Variants in MEF2C observed in about 807,000 individuals in gnomAD.
MEF2C encodes the protein myocyte enhancer factor 2C.
A neutral mutation model predicts 50.5 loss-of-function variants in MEF2C; 6 were observed. The ratio of observed to expected loss-of-function variants is 0.12; its 90% CI spans 0.07 to 0.23. The LOEUF (loss-of-function observed/expected upper bound fraction) is 0.23, where lower values mean the gene tolerates loss of function less well. Among genes scored for constraint, MEF2C ranks in the 10% least tolerant of loss-of-function variants. MEF2C has a pLI of 1.00. For synonymous variants in MEF2C, 183 were observed against 228.0 expected, an observed-to-expected ratio of 0.80 and a Z score of 1.78; for missense variants, 276 against 605.0, an observed-to-expected ratio of 0.46 and a Z score of 5.70.
At chr5:88,868,009 A>G (rs1561412571) in intron 1 of MEF2C, among the ~76,000 whole-genome samples, 3 of 152,198 alleles carry the variant, frequency 2.0e-5, no homozygotes. Flanking sequence ...CTTTGCTCCA[A>G]AAAGACCTAT....
chr5:88,745,200 G>C (rs1174928913), intron 6 of MEF2C, among the ~76,000 whole-genome samples: 1 of 152,198 alleles, frequency 6.6e-6, no homozygotes, highest in Non-Finnish European at 1.5e-5. Flanking sequence ...GTGTTAAACT[G>C]GGCATACAAA....
rs186783371 is a variant in MEF2C at position 88,766,406 on chromosome 5, A to T, written c.259-5078T>A. On this transcript the variant is annotated intron_variant, in intron 3 of 10. Coordinates refer to ENST00000504921, the MANE Select transcript of MEF2C (RefSeq NM_002397.5). ...TAAATACTATTTTGTTATTTAAAAA[A>T]TTTTTTCCTTTTATTCTTTCAAAAA... is the stretch of plus-strand genomic sequence containing the variant. 7.3e-3 allele frequency among the ~76,000 whole-genome samples: 1,107 copies of T among 152,240 alleles called. 5 individuals carry two copies. The highest frequency in any genetic ancestry group is 0.012 in the Non-Finnish European group (835 of 68,002).
At chr5:88,780,260 C>T (rs1025330427) in intron 3 of MEF2C, among the ~76,000 whole-genome samples, 3 of 152,002 alleles carry the variant, frequency 2.0e-5, no homozygotes, top group African/African-American at 7.2e-5. Context: ...GAAATATTTT[C>T]CTATTTATTT....
At chr5:88,726,363 G>A (rs1228431560) in intron 10 of MEF2C, among the ~76,000 whole-genome samples, 1 of 152,148 alleles carries the variant, frequency 6.6e-6, no homozygotes, top group Non-Finnish European at 1.5e-5. Flanking sequence ...AATTAAGGAT[G>A]CTCATGTGAA....
At chr5:88,883,224 T>A (rs1258681968), upstream of MEF2C, 9 of 128,404 alleles carry the variant, frequency 7.0e-5, no homozygotes, top group African/African-American at 2.7e-4. Flanking sequence ...TGTGTGCGTG[T>A]GTGCGCGCGC....
chr5:88,847,319 A>C (rs555500741), intron 1 of MEF2C, among the ~76,000 whole-genome samples: 2 of 152,340 alleles, frequency 1.3e-5, no homozygotes, highest in East Asian at 3.9e-4. Context: ...AGTATGTTAT[A>C]ATAAGACTTG....
rs745718257 is a variant in MEF2C at position 88,795,111 on chromosome 5, G to T, written c.258+9487C>A. Among the ~76,000 whole-genome samples the T allele has an allele frequency of 2.2e-4, 34 of 152,120 alleles. 1 individual carries two copies. The highest frequency in any genetic ancestry group is 4.4e-5 in the Non-Finnish European group (3 of 68,040). Reference sequence around the variant, plus strand: ...AGCTTTGGTCTTTTTGCTTAGCATTGTCTTGGCTATACGGGCTCTTTTTTG... The same window carrying T: ...AGCTTTGGTCTTTTTGCTTAGCATTTTCTTGGCTATACGGGCTCTTTTTTG... On this transcript the variant is annotated intron_variant, in intron 3 of 10. Transcript: ENST00000504921.
intron 3 of MEF2C, among the ~76,000 whole-genome samples, chr5:88,768,225 A>C (rs1266364503): frequency 6.6e-6 from 1 of 152,174 alleles, no homozygotes; most frequent in Non-Finnish European, 1.5e-5. Flanking sequence ...GTCCTTAACA[A>C]AGCACTTTGC....
chr5:88,894,385 A>C (rs1834899315), intron 1 of MEF2C, among the ~76,000 whole-genome samples: 1 of 152,200 alleles, frequency 6.6e-6, no homozygotes, highest in Non-Finnish European at 1.5e-5. Flanking sequence ...TTTTTGTCCC[A>C]CCAGAAAATA....
chr5:88,838,696 C>CATT (rs1372708752), intron 1 of MEF2C: 1 of 985,134 alleles, frequency 1.0e-6, no homozygotes, highest in African/African-American at 1.7e-5. Context: ...TGACCCTGGC[C>CATT]ATTATCCTTA....
intron 3 of MEF2C, among the ~76,000 whole-genome samples, chr5:88,763,617 A>G (rs1460227161): frequency 1.3e-5 from 2 of 152,078 alleles, no homozygotes; most frequent in Non-Finnish European, 1.5e-5. Context: ...ATATTTTTCA[A>G]AAGTTATCTA....
At chr5:88,818,683 A>G (rs2153192357) in intron 2 of MEF2C, among the ~76,000 whole-genome samples, 1 of 152,062 alleles carries the variant, frequency 6.6e-6, no homozygotes, top group African/African-American at 2.4e-5. Flanking sequence ...TCCTCTCTGC[A>G]TCAGCTCACT....
At chr5:88,874,453 C>CAT (rs1322863349) in intron 1 of MEF2C, among the ~76,000 whole-genome samples, 1 of 151,808 alleles carries the variant, frequency 6.6e-6, no homozygotes, top group South Asian at 2.1e-4. Context: ...AGTATTGACT[C>CAT]ATATATATAT....
At chr5:88,727,857 A>G (rs941705307) in intron 10 of MEF2C, among the ~76,000 whole-genome samples, 2 of 152,098 alleles carry the variant, frequency 1.3e-5, no homozygotes, top group African/African-American at 4.8e-5. Flanking sequence ...TAGATAAATG[A>G]CAAGAGTCAT....
intron 1 of MEF2C, among the ~76,000 whole-genome samples, chr5:88,867,667 T>G (rs1237900955): frequency 6.6e-6 from 1 of 152,198 alleles, no homozygotes; most frequent in East Asian, 1.9e-4. Context: ...TAAAAGTTAT[T>G]AAAATTATTA....
rs1765066918 is a variant in MEF2C at position 88,738,473 on chromosome 5, G to A, written c.638-6572C>T. The A allele has an allele frequency of 3.4e-6, 3 of 871,098 alleles. No individual in the cohort carries two copies. In the African/African-American group the frequency reaches 5.5e-5, roughly 16 times the overall value. The allele number at this position is 871,098 out of a possible 1,614,324, so 54.0% of individuals were successfully genotyped here. A position where few individuals can be genotyped will look rare whatever the true frequency, so the allele number is the denominator to read the frequency against. On this transcript the variant is annotated intron_variant, in intron 6 of 10. Coordinates refer to ENST00000504921, the MANE Select transcript of MEF2C (RefSeq NM_002397.5). ...TACTAATAGTATCCCTATGAAAAAT[G>A]AGAAATGAGAAAACCGAAGAAAAGA...
intron 6 of MEF2C, among the ~76,000 whole-genome samples, chr5:88,744,902 A>T (rs1768648038): frequency 6.6e-6 from 1 of 152,204 alleles, no homozygotes; most frequent in African/African-American, 2.4e-5. Context: ...GTTTTCCGTT[A>T]AGAATATTAG....
intron 6 of MEF2C, chr5:88,739,575 C>T (rs1338713232): frequency 2.0e-6 from 2 of 984,748 alleles, no homozygotes. Flanking sequence ...CTCATACAAT[C>T]CCCTACTCTA....
intron 5 of MEF2C, chr5:88,751,193 T>C (rs1193984530): frequency 1.0e-6 from 1 of 977,618 alleles, no homozygotes; most frequent in Non-Finnish European, 1.2e-6. Context: ...GTACTAAGAA[T>C]GGATGAACTT....
Sources: allele counts gnomAD v4.1 joint callset (sites outside exome capture counted in the v4.1 genomes callset), GRCh38; gene constraint gnomAD v4.1.1; transcripts MANE v1.5; gene names NCBI Gene and HGNC (gene_info 2026-07-23, HGNC 2026-07-21).